Variants in TAOK3 observed in about 807,000 individuals in gnomAD.
TAOK3 encodes the protein serine/threonine-protein kinase TAO3.
Under a neutral mutation model 120.4 loss-of-function variants are expected in TAOK3, and 40 were observed. The ratio of observed to expected loss-of-function variants is 0.33; its 90% CI spans 0.26 to 0.43. The LOEUF is 0.43. TAOK3 is among the 20% of genes least tolerant of loss of function. The probability of loss-of-function intolerance (pLI) is 1.00; values close to 1 mark genes in which losing one functional copy is unlikely to be tolerated. For missense variants in TAOK3, 821 were observed against 1,112.1 expected, an observed-to-expected ratio of 0.74 and a Z score of 3.72; for synonymous variants, 355 against 387.5, an observed-to-expected ratio of 0.92 and a Z score of 0.99.
intron 16 of TAOK3, among the ~76,000 whole-genome samples, chr12:118,174,105 G>A (rs1174328284): frequency 2.6e-5 from 4 of 152,028 alleles, no homozygotes; most frequent in Admixed American, 1.3e-4. Flanking sequence ...TGCAGACCCC[G>A]ATTCAAATAT....
At chr12:118,221,104 C>T (rs578044649) in intron 9 of TAOK3, among the ~76,000 whole-genome samples, 11 of 152,338 alleles carry the variant, frequency 7.2e-5, no homozygotes, top group South Asian at 2.1e-4. Flanking sequence ...CATCCTCCAG[C>T]GGCAAAGTTG....
chr12:118,182,652 C>G (rs1402078347), intron 14 of TAOK3, among the ~76,000 whole-genome samples: 1 of 122,796 alleles, frequency 8.1e-6, no homozygotes, highest in Non-Finnish European at 1.6e-5. Context: ...GATCATGTCT[C>G]TAACAGTCAT....
At chr12:118,166,843 C>CAT (rs148809819) in intron 17 of TAOK3, among the ~76,000 whole-genome samples, 3,356 of 135,970 alleles carry the variant, frequency 0.025, 103 homozygotes, top group African/African-American at 0.075. Flanking sequence ...CACACACACA[C>CAT]ACATACACAC....
At chr12:118,195,051 G>T (rs1593118391) in intron 13 of TAOK3, among the ~76,000 whole-genome samples, 1 of 151,870 alleles carries the variant, frequency 6.6e-6, no homozygotes, top group Non-Finnish European at 1.5e-5. Context: ...CTGGCCAGTA[G>T]AATGACTTTT....
chr12:118,266,261 C>T (rs1433330201), intron 2 of TAOK3, among the ~76,000 whole-genome samples: 2 of 152,120 alleles, frequency 1.3e-5, no homozygotes, highest in African/African-American at 2.4e-5. Flanking sequence ...TGCACGATCT[C>T]GGCTCACCGC....
At chr12:118,333,822 C>T (rs143016012) in intron 1 of TAOK3, among the ~76,000 whole-genome samples, 8 of 149,194 alleles carry the variant, frequency 5.4e-5, no homozygotes, top group Admixed American at 5.3e-4. Context: ...CAGTCCAGTT[C>T]TGGGTATTTT....
chr12:118,266,256 G>A (rs1371518225), intron 2 of TAOK3, among the ~76,000 whole-genome samples: 3 of 152,074 alleles, frequency 2.0e-5, no homozygotes, highest in African/African-American at 7.2e-5. Flanking sequence ...TGCAATGCAC[G>A]ATCTCGGCTC....
chr12:118,217,826 T>C (rs2039002685), intron 9 of TAOK3, among the ~76,000 whole-genome samples: 1 of 85,198 alleles, frequency 1.2e-5, no homozygotes, highest in African/African-American at 4.9e-5. Context: ...CATATATATA[T>C]ATATATATAT....
At position 118,216,252 on chromosome 12, in the gene TAOK3, C is replaced by A. The variant is rs574449007; in HGVS notation, c.644-2142G>T. On this transcript the variant is annotated intron_variant, in intron 9 of 20. Transcript: ENST00000392533. ...AAGCTATCCTCCTGCCTCAGCCTCC[C>A]AAAGTGCTGGGAGTATAGGCATGAT... Among the ~76,000 whole-genome samples the A allele has an allele frequency of 3.9e-5, 6 of 152,210 alleles. No individual in the cohort carries two copies. The South Asian group carries it at 1.2e-3, about 32-fold the overall frequency.
At chr12:118,156,544 C>T (rs1335800335) in intron 19 of TAOK3, among the ~76,000 whole-genome samples, 5 of 152,086 alleles carry the variant, frequency 3.3e-5, no homozygotes, top group African/African-American at 1.2e-4. Flanking sequence ...CACACTAAAC[C>T]TCTATTTCAG....
At chr12:118,217,554 C>A (rs1239050679) in intron 9 of TAOK3, among the ~76,000 whole-genome samples, 1 of 151,450 alleles carries the variant, frequency 6.6e-6, no homozygotes. Context: ...GGCCTGGTGG[C>A]ATGCGCCTGT....
chr12:118,219,439 C>A (rs923759216), intron 9 of TAOK3, among the ~76,000 whole-genome samples: 2 of 152,036 alleles, frequency 1.3e-5, no homozygotes, highest in Non-Finnish European at 2.9e-5. Flanking sequence ...AATATAATTT[C>A]ATTTCTACAT....
chr12:118,207,241 G>A (rs753888369), intron 11 of TAOK3, among the ~76,000 whole-genome samples: 15 of 151,082 alleles, frequency 9.9e-5, no homozygotes, highest in African/African-American at 2.9e-4. Context: ...CAGGAGAATC[G>A]CTTGAACCAG....
At chr12:118,292,439 TCAA>T (rs996314632) in intron 1 of TAOK3, among the ~76,000 whole-genome samples, 9 of 152,174 alleles carry the variant, frequency 5.9e-5, no homozygotes, top group Admixed American at 4.6e-4. Flanking sequence ...TTTAATGTAA[TCAA>T]CAACATCATC....
intron 14 of TAOK3, among the ~76,000 whole-genome samples, chr12:118,182,623 A>ATTTTTT (rs1555215274): frequency 4.3e-5 from 4 of 92,416 alleles, no homozygotes; most frequent in African/African-American, 9.9e-5. Flanking sequence ...ATATATATAT[A>ATTTTTT]TTTTTTTTTT....
chr12:118,340,177 T>C (rs1334077241), intron 1 of TAOK3, among the ~76,000 whole-genome samples: 2 of 152,248 alleles, frequency 1.3e-5, no homozygotes, highest in African/African-American at 2.4e-5. Flanking sequence ...TTTCTGTGTA[T>C]ATATACATGT....
intron 1 of TAOK3, among the ~76,000 whole-genome samples, chr12:118,369,004 GAAAAAA>G (rs975694288): frequency 1.2e-3 from 84 of 69,382 alleles, no homozygotes; most frequent in African/African-American, 4.4e-3. Context: ...ACTAAAAATA[GAAAAAA>G]AAAAAAAAAA....
chr12:118,217,926 T>A (rs2039017721), intron 9 of TAOK3, among the ~76,000 whole-genome samples: 1 of 140,408 alleles, frequency 7.1e-6, no homozygotes, highest in South Asian at 2.4e-4. Flanking sequence ...AGTGGCGTGA[T>A]CTAGGCTCAC....
rs2035187599 is a variant in TAOK3 at position 118,161,050 on chromosome 12, C to A, written c.2140-692G>T. Among the ~76,000 whole-genome samples the A allele has an allele frequency of 6.6e-6, 1 of 152,158 alleles. No homozygotes were observed. Among genetic ancestry groups the A allele is most frequent in the South Asian group, 2.1e-4 (1 of 4,824 alleles). The stretch of plus-strand genomic sequence containing the variant: ...CCCAGAAGGCATTCCATCAGGTTGC[C>A]CCACAGTCATGTGTGCACTTCACGA... On this transcript the variant is annotated intron_variant, in intron 18 of 20. Coordinates refer to ENST00000392533, the MANE Select transcript of TAOK3 (RefSeq NM_016281.4). This position sits in a 1 kb window ranked among gnomAD's most constrained non-coding sequence, Gnocchi z 4.5.
Sources: allele counts gnomAD v4.1 joint callset (sites outside exome capture counted in the v4.1 genomes callset), GRCh38; gene constraint gnomAD v4.1.1; non-coding constraint Gnocchi (gnomAD v3.1); transcripts MANE v1.5; gene names NCBI Gene and HGNC (gene_info 2026-07-23, HGNC 2026-07-21).